The following GBX1 variants were observed in gnomAD, a reference collection of about 807,000 sequenced individuals.
GBX1 encodes the protein gastrulation brain homeobox 1, also known as homeobox protein GBX-1.
GBX1 carries 9 observed loss-of-function variants against 22.9 expected under a neutral mutation model. That is an observed-to-expected ratio of 0.39 (90% CI 0.24 to 0.69). The LOEUF (loss-of-function observed/expected upper bound fraction) is 0.69. Among genes scored for constraint, GBX1 ranks in the 30% least tolerant of loss-of-function variants. The pLI, the probability that GBX1 is intolerant of heterozygous loss-of-function variation, is 0.43. For missense variants in GBX1, 494 were observed against 509.2 expected (o/e 0.97, Z 0.29); for synonymous variants, 203 against 227.3 (o/e 0.89, Z 0.96).
At chr7:151,154,880 A>G (rs1801117276) in intron 1 of GBX1, among the ~76,000 whole-genome samples, 1 of 152,174 alleles carries the variant, frequency 6.6e-6, no homozygotes, top group African/African-American at 2.4e-5. Context: ...CTCCAGCAGA[A>G]AGAACACAAT....
chr7:151,149,176 G>A (rs1458000864), intron 1 of GBX1, 34 bp from the exon 2 acceptor site: 4 of 1,566,932 alleles, frequency 2.6e-6, no homozygotes, highest in Non-Finnish European at 3.4e-6. Flanking sequence ...GATGGGGAGG[G>A]AGAAGCAAGA....
chr7:151,167,597 C>G lies in GBX1; in HGVS notation c.-49G>C, dbSNP rs763102842. 1.6e-6 allele frequency: 2 copies of G among 1,274,406 alleles called. No homozygotes were observed. Among genetic ancestry groups the G allele is most frequent in the Non-Finnish European group, 9.8e-7 (1 of 1,017,330 alleles). The allele number at this position is 1,274,406 out of a possible 1,614,324, so 78.9% of individuals were successfully genotyped here. A position where few individuals can be genotyped will look rare whatever the true frequency, so the allele number is the denominator to read the frequency against. On this transcript the variant is annotated 5_prime_UTR_variant, in exon 1 of 2. Transcript: ENST00000297537. This position sits in a 1 kb window ranked among gnomAD's most constrained non-coding sequence, Gnocchi z 5.9. ...CGGGGCGCTCCTCTCTGGGCGCCTC[C>G]GTGCGCCCCGCGGCTCGGGCGCCCC...
chr7:151,158,893 C>T (rs1156390365), intron 1 of GBX1, among the ~76,000 whole-genome samples: 2 of 152,058 alleles, frequency 1.3e-5, no homozygotes, highest in Non-Finnish European at 2.9e-5. Flanking sequence ...AATCCTTAAC[C>T]CTGTGAGGTA....
At chr7:151,156,409 A>AC (rs1366831969) in intron 1 of GBX1, among the ~76,000 whole-genome samples, 64 of 149,154 alleles carry the variant, frequency 4.3e-4, no homozygotes, top group African/African-American at 1.5e-3. Context: ...AAAAAAAAAA[A>AC]AAAAAAACGA....
In GBX1 at chr7:151,148,718, A is replaced by G; in HGVS notation, c.963T>C (p.Ala321=). 1 of 1,614,148 alleles carries G rather than the reference A, an allele frequency of 6.2e-7. No homozygotes were observed. The highest frequency in any genetic ancestry group is 8.5e-7 in the Non-Finnish European group (1 of 1,180,026). ...CCCCAGAACGGCTGCTCACATTGCC[A>G]GCTTTGATGCGCTTCCACTTGGCCC... The part of the protein sequence containing the change: ...NRRAKWKRIK[A]GNVSSRSGEP... The change falls in exon 2 of 2, where the codon GCT becomes GCC. Residue 321 remains alanine (A), a synonymous_variant. Coordinates refer to ENST00000297537, the MANE Select transcript of GBX1 (RefSeq NM_001098834.3). This position sits in a 1 kb window ranked among gnomAD's most constrained non-coding sequence, Gnocchi z 5.1.
In GBX1 at chr7:151,150,305, T is replaced by C. The variant is rs571381521; in HGVS notation, c.539-1163A>G. Among the ~76,000 whole-genome samples, 14 of 152,212 alleles carry C rather than the reference T, an allele frequency of 9.2e-5. No homozygotes were observed. In the South Asian group the frequency reaches 2.9e-3, roughly 32 times the overall value. Reference sequence around the variant, plus strand: ...TTCTACTCAAAGGACCAAAAAGCAGTGAAACAAGTCAAAAGACAATCAATA... The same window carrying C: ...TTCTACTCAAAGGACCAAAAAGCAGCGAAACAAGTCAAAAGACAATCAATA... On this transcript the variant is annotated intron_variant, in intron 1 of 1. Coordinates refer to ENST00000297537, the MANE Select transcript of GBX1 (RefSeq NM_001098834.3).
intron 1 of GBX1, among the ~76,000 whole-genome samples, chr7:151,166,476 C>A (rs1013756375): frequency 4.0e-5 from 4 of 100,728 alleles, no homozygotes; most frequent in South Asian, 3.4e-4. Context: ...GAGACGCAAC[C>A]CCCCCCCCCC....
At chr7:151,152,697 G>A (rs573475671) in intron 1 of GBX1, among the ~76,000 whole-genome samples, 1 of 152,284 alleles carries the variant, frequency 6.6e-6, no homozygotes, top group Admixed American at 6.5e-5. Flanking sequence ...CCAGGTTCCC[G>A]ATCTGGCAGG....
rs1469805758 is a variant in GBX1 at position 151,167,401 on chromosome 7, T to G, written c.148A>C (p.Met50Leu). The change falls in exon 1 of 2, where the codon ATG becomes CTG. Residue 50 changes from methionine (M) to leucine (L), a missense_variant. Physicochemically the swap from Met to Leu is conservative, Grantham distance 15 (BLOSUM62 2). Coordinates refer to ENST00000297537, the MANE Select transcript of GBX1 (RefSeq NM_001098834.3). The surrounding 1 kb of genome is among the most constrained non-coding windows in gnomAD (Gnocchi z 5.9). ...GGCAGCACGAGCGGCCGGTAGGGCA[T>G]GAACATGGGGTAGCCGGTGTACAGC... ...HLLYTGYPMF[M>L]PYRPLVLPQA... is the part of the protein sequence containing the mutation. 4.6e-6 allele frequency: 7 copies of G among 1,516,664 alleles called. No individual in the cohort carries two copies. The highest frequency in any genetic ancestry group is 6.2e-6 in the Non-Finnish European group (7 of 1,134,122). 94.0% of individuals were successfully genotyped at this position (1,516,664 alleles called of 1,614,324 possible). A position where few individuals can be genotyped will look rare whatever the true frequency, so the allele number is the denominator to read the frequency against.
intron 1 of GBX1, among the ~76,000 whole-genome samples, chr7:151,165,014 CT>C: frequency 6.6e-6 from 1 of 151,914 alleles, no homozygotes; most frequent in East Asian, 1.9e-4. Context: ...CACACACACA[CT>C]CACTCACACT....
intron 1 of GBX1, among the ~76,000 whole-genome samples, chr7:151,159,327 C>G (rs931027984): frequency 6.6e-6 from 1 of 152,110 alleles, no homozygotes; most frequent in African/African-American, 2.4e-5. Context: ...CTCAGCCTCC[C>G]AAAGTGCTGG....
intron 1 of GBX1, among the ~76,000 whole-genome samples, chr7:151,156,714 G>C (rs557772566): frequency 9.6e-4 from 146 of 152,214 alleles, no homozygotes; most frequent in African/African-American, 3.4e-3. Flanking sequence ...GCTGGGCACG[G>C]TGGCTCATGC....
intron 1 of GBX1, among the ~76,000 whole-genome samples, chr7:151,166,205 C>T (rs1343193170): frequency 6.6e-6 from 1 of 152,120 alleles, no homozygotes; most frequent in Non-Finnish European, 1.5e-5. Context: ...CAGTTTAATA[C>T]ACCCTGCCTC....
At chr7:151,164,185 G>T (rs1225016362) in intron 1 of GBX1, among the ~76,000 whole-genome samples, 1 of 152,182 alleles carries the variant, frequency 6.6e-6, no homozygotes, top group East Asian at 1.9e-4. Context: ...TCAGACCCAT[G>T]TCACTCATTC....
chr7:151,151,197 G>T (rs1667819702), intron 1 of GBX1, among the ~76,000 whole-genome samples: 1 of 152,024 alleles, frequency 6.6e-6, no homozygotes, highest in South Asian at 2.1e-4. Context: ...CCCCAGTTTG[G>T]GCTCCCCCAG....
chr7:151,149,811 C>A, intron 1 of GBX1: 1 of 419,466 alleles, frequency 2.4e-6, no homozygotes, highest in Admixed American at 2.5e-5. Flanking sequence ...TGGCTCCCAG[C>A]CATGCAGCAC....
chr7:151,148,743 C>G lies in GBX1; in HGVS notation c.938G>C (p.Arg313Pro). The G allele has an allele frequency of 6.2e-7, 1 of 1,614,190 alleles. No individual in the cohort carries two copies. Among genetic ancestry groups the G allele is most frequent in the Non-Finnish European group, 8.5e-7 (1 of 1,180,038 alleles). The change falls in exon 2 of 2, where the codon CGG (arginine) becomes CCG (proline). Residue 313 changes from arginine to proline, a missense_variant. Coordinates refer to ENST00000297537, the MANE Select transcript of GBX1 (RefSeq NM_001098834.3). The surrounding 1 kb of genome is among the most constrained non-coding windows in gnomAD (Gnocchi z 5.1). ...AGCTTTGATGCGCTTCCACTTGGCC[C>G]GTCGATTCTGAAACCAGATCTTGAC... Reference protein sequence around the residue: ...VQVKIWFQNRRAKWKRIKAGN... With the variant: ...VQVKIWFQNRPAKWKRIKAGN...
Position 151,148,012 on chromosome 7 carries a change from C to T in GBX1, c.*577G>A, listed in dbSNP as rs913759232. On this transcript the variant is annotated 3_prime_UTR_variant, in exon 2 of 2. Coordinates refer to ENST00000297537, the MANE Select transcript of GBX1 (RefSeq NM_001098834.3). This position sits in a 1 kb window ranked among gnomAD's most constrained non-coding sequence, Gnocchi z 5.1. ...GAAGAATTTCTACAGAGGCCAGTGA[C>T]GGTTGCATTTCATTTCTTTGTAAAG... Among the ~76,000 whole-genome samples, 9 of 152,186 alleles carry T rather than the reference C, an allele frequency of 5.9e-5. No individual in the cohort carries two copies. The highest frequency in any genetic ancestry group is 1.9e-4 in the East Asian group (1 of 5,182).
Position 151,166,481 on chromosome 7 carries a change from C to G in GBX1, c.538+530G>C, listed in dbSNP as rs797019405. Among the ~76,000 whole-genome samples the G allele has an allele frequency of 3.2e-5, 4 of 124,750 alleles. 1 individual carries two copies. The highest frequency in any genetic ancestry group is 2.7e-4 in the South Asian group (1 of 3,744). 81.8% of individuals were successfully genotyped at this position (124,750 alleles called of 152,430 possible). A position where few individuals can be genotyped will look rare whatever the true frequency, so the allele number is the denominator to read the frequency against. ...TCACGGCTTTGAGACGCAACCCCCCCCCCCCAACACACACACACACACACA... is the reference window on the plus strand; with the variant it reads ...TCACGGCTTTGAGACGCAACCCCCCGCCCCCAACACACACACACACACACA... On this transcript the variant is annotated intron_variant, in intron 1 of 1. Coordinates refer to ENST00000297537, the MANE Select transcript of GBX1 (RefSeq NM_001098834.3).
Sources: gnomAD v4.1 joint callset for allele counts (sites outside exome capture counted in the v4.1 genomes callset) on GRCh38, gnomAD v4.1.1 for gene constraint, Gnocchi (gnomAD v3.1) non-coding constraint, MANE v1.5 for transcripts, NCBI Gene and HGNC (gene_info 2026-07-23, HGNC 2026-07-21) for gene names.